The following RNF139 variants were observed in gnomAD, a reference collection of about 807,000 sequenced individuals.
RNF139 encodes the protein E3 ubiquitin-protein ligase RNF139.
In RNF139, 15 loss-of-function variants were observed where a neutral mutation model predicts 49.5. The ratio of observed to expected loss-of-function variants is 0.30; its 90% CI spans 0.20 to 0.47. RNF139 has a LOEUF of 0.47. Ranked by LOEUF, RNF139 falls within the 20% of genes least tolerant of loss-of-function variation. The pLI is 1.00. For missense variants in RNF139, 619 were observed against 806.3 expected (o/e 0.77, Z 2.81); for synonymous variants, 325 against 300.9 (o/e 1.08, Z -0.83).
chr8:124,476,009 C>T (rs1013813898), intron 1 of RNF139, among the ~76,000 whole-genome samples: 6 of 152,198 alleles, frequency 3.9e-5, no homozygotes, highest in Admixed American at 1.3e-4. Flanking sequence ...TTCATTTCTT[C>T]CTTTCCATCT....
intron 1 of RNF139, among the ~76,000 whole-genome samples, chr8:124,478,175 A>G (rs187001361): frequency 6.6e-6 from 1 of 151,772 alleles, no homozygotes; most frequent in Non-Finnish European, 1.5e-5. Flanking sequence ...GAAAAAACTT[A>G]TACTCCCTTA....
chr8:124,479,150 G>A (rs1186791964), intron 1 of RNF139, among the ~76,000 whole-genome samples: 3 of 151,932 alleles, frequency 2.0e-5, no homozygotes, highest in Admixed American at 2.0e-4. Context: ...GAGTGCAGTG[G>A]CGTGATCTCA....
chr8:124,476,905 A>T (rs2131296753), intron 1 of RNF139, among the ~76,000 whole-genome samples: 1 of 152,364 alleles, frequency 6.6e-6, no homozygotes, highest in South Asian at 2.1e-4. Flanking sequence ...TGAACAAAGC[A>T]ATCTGATATT....
At chr8:124,479,004 C>T (rs1816360186) in intron 1 of RNF139, among the ~76,000 whole-genome samples, 1 of 152,120 alleles carries the variant, frequency 6.6e-6, no homozygotes, top group South Asian at 2.1e-4. Flanking sequence ...GGATTACAGG[C>T]GTGAGCCACC....
chr8:124,475,198 G>T lies in RNF139; in HGVS notation c.89G>T (p.Cys30Phe). ...CTCGAAGTGGCGCTCCGGGTGCCCT[G>T]CCTTTACATCATCGACGCCATCTTC... ...AALEVALRVP[C>F]LYIIDAIFNS... The change falls in exon 1 of 2, where the codon TGC becomes TTC. Residue 30 changes from cysteine (C) to phenylalanine (F), a missense_variant. This residue lies in a region of RNF139 where 89 missense variants were observed against 77.5 expected (regional missense o/e 1.15). Coordinates refer to ENST00000303545, the MANE Select transcript of RNF139 (RefSeq NM_007218.4). 1 of 1,614,054 alleles carries T rather than the reference G, an allele frequency of 6.2e-7. No individual in the cohort carries two copies. The highest frequency in any genetic ancestry group is 8.5e-7 in the Non-Finnish European group (1 of 1,179,998).
At chr8:124,480,230 A>G (rs1216797723) in intron 1 of RNF139, among the ~76,000 whole-genome samples, 1 of 152,052 alleles carries the variant, frequency 6.6e-6, no homozygotes, top group Non-Finnish European at 1.5e-5. Flanking sequence ...AGAAAAAAAT[A>G]TGGAATATTT....
intron 1 of RNF139, among the ~76,000 whole-genome samples, chr8:124,478,863 C>T (rs1563629752): frequency 1.4e-5 from 2 of 146,966 alleles, no homozygotes. Flanking sequence ...AGGATGATTA[C>T]AGGCAAGCGC....
chr8:124,479,869 A>G (rs1816377501), intron 1 of RNF139, among the ~76,000 whole-genome samples: 1 of 152,114 alleles, frequency 6.6e-6, no homozygotes, highest in African/African-American at 2.4e-5. Context: ...ATTTTGTTAC[A>G]CCTTTGGAAA....
At position 124,486,908 on chromosome 8, in the gene RNF139, T is replaced by G; in HGVS notation, c.1259T>G (p.Leu420Trp). 2 of 1,614,104 alleles carry G rather than the reference T, an allele frequency of 1.2e-6. No homozygotes were observed. The highest frequency in any genetic ancestry group is 1.3e-5 in the African/African-American group (1 of 75,052). Residue 420 changes from leucine (L) to tryptophan (W), a missense_variant, in exon 2 of 2, where the codon TTG (leucine) becomes TGG (tryptophan). Leu to Trp is a moderately conservative substitution (Grantham distance 61). This residue lies in a region of RNF139 where 530 missense variants were observed against 728.9 expected (regional missense o/e 0.73). Transcript: ENST00000303545. ...CATCACTATGCACTAAATACATGGT[T>G]GTTTGCAGTTACAGCATTTTGTGTG... ...LWHHYALNTW[L>W]FAVTAFCVEL...
Position 124,475,051 on chromosome 8 carries a change from C to T in RNF139, c.-59C>T. The T allele has an allele frequency of 8.1e-7, 1 of 1,233,256 alleles. No individual in the cohort carries two copies. Among genetic ancestry groups the T allele is most frequent in the Non-Finnish European group, 1.0e-6 (1 of 980,812 alleles). 76.4% of individuals were successfully genotyped at this position (1,233,256 alleles called of 1,614,324 possible). A position where few individuals can be genotyped will look rare whatever the true frequency, so the allele number is the denominator to read the frequency against. ...TTAGCCCCCGCCCCCGGCCGCGGCC[C>T]CGGGCCCTGCCCCGCGCGGCCCTGC... On this transcript the variant is annotated 5_prime_UTR_variant, in exon 1 of 2. Coordinates refer to ENST00000303545, the MANE Select transcript of RNF139 (RefSeq NM_007218.4).
chr8:124,487,942 G>A lies in RNF139; in HGVS notation c.*298G>A. ...TTTTTAATAGATGTAATGATCATATGGTGCGTCACCTGTGCCAAATATTCT... is the reference window on the plus strand; with the variant it reads ...TTTTTAATAGATGTAATGATCATATAGTGCGTCACCTGTGCCAAATATTCT... On this transcript the variant is annotated 3_prime_UTR_variant, in exon 2 of 2. Transcript: ENST00000303545. The A allele has an allele frequency of 3.8e-6, 1 of 262,784 alleles. No homozygotes were observed. The highest frequency in any genetic ancestry group is 7.2e-6 in the Non-Finnish European group (1 of 138,938). The allele number at this position is 262,784 out of a possible 1,614,324, so 16.3% of individuals were successfully genotyped here.
At chr8:124,475,340 C>A in intron 1 of RNF139, 50 bp downstream of exon 1, 2 of 1,564,230 alleles carry the variant, frequency 1.3e-6, no homozygotes, top group Non-Finnish European at 1.7e-6. Context: ...CGGGCCGAGA[C>A]GTTCCCCGGG....
chr8:124,475,345 C>T, intron 1 of RNF139, 55 bp downstream of exon 1: 1 of 1,558,378 alleles, frequency 6.4e-7, no homozygotes, highest in Non-Finnish European at 8.7e-7. Flanking sequence ...CGAGACGTTC[C>T]CCGGGGAGCG....
At chr8:124,478,562 C>G (rs543715050) in intron 1 of RNF139, among the ~76,000 whole-genome samples, 1 of 149,252 alleles carries the variant, frequency 6.7e-6, no homozygotes, top group African/African-American at 2.5e-5. Flanking sequence ...GAGCCAAGAT[C>G]GCGCCACTGC....
intron 1 of RNF139, 131 bp from the exon 2 acceptor site, chr8:124,485,700 T>G (rs1044335379): frequency 2.6e-6 from 2 of 763,204 alleles, no homozygotes; most frequent in Admixed American, 3.1e-5. Flanking sequence ...AAGCCTTAGT[T>G]GTCTTGAGGC....
At chr8:124,485,032 AAACTTG>A (rs1311281306) in intron 1 of RNF139, among the ~76,000 whole-genome samples, 2 of 152,180 alleles carry the variant, frequency 1.3e-5, no homozygotes. Context: ...TGGAAGTATA[AAACTTG>A]AACTTGATTT....
Position 124,487,325 on chromosome 8 carries a change from G to A in RNF139, c.1676G>A (p.Arg559His), listed in dbSNP as rs775467776. 12 of 1,613,858 alleles carry A rather than the reference G, an allele frequency of 7.4e-6. No homozygotes were observed. Among genetic ancestry groups the A allele is most frequent in the East Asian group, 2.2e-5 (1 of 44,884 alleles). The change falls in exon 2 of 2, where the codon CGT becomes CAT. Residue 559 changes from arginine (R) to histidine (H), a missense_variant. Arg to His is a conservative substitution (Grantham distance 29). Coordinates refer to ENST00000303545, the MANE Select transcript of RNF139 (RefSeq NM_007218.4). ...TATCATGAGTTTACAACATCTGCTCGTATTACACCGTGTAATCATTATTTC... is the reference window on the plus strand; with the variant it reads ...TATCATGAGTTTACAACATCTGCTCATATTACACCGTGTAATCATTATTTC... ...ICYHEFTTSA[R>H]ITPCNHYFHA... is the part of the protein sequence containing the mutation.
intron 1 of RNF139, among the ~76,000 whole-genome samples, chr8:124,477,849 G>A (rs1475564210): frequency 2.0e-5 from 3 of 152,094 alleles, no homozygotes; most frequent in Admixed American, 6.5e-5. Context: ...AATTCATTGA[G>A]GTGGGAAAAG....
Position 124,486,596 on chromosome 8 carries a change from C to G in RNF139, c.947C>G (p.Thr316Ser). ...GGAATATTGGCCTTTATTGGATCAA[C>G]TGAGGAAGATGACAGGCGTCTTGGC... ...GLGILAFIGS[T>S]EEDDRRLGFV... is the part of the protein sequence containing the mutation. Residue 316 changes from threonine to serine, a missense_variant, in exon 2 of 2, where the codon ACT (threonine) becomes AGT (serine). Thr to Ser is a moderately conservative substitution (Grantham distance 58). Coordinates refer to ENST00000303545, the MANE Select transcript of RNF139 (RefSeq NM_007218.4). 6.2e-7 allele frequency: 1 copy of G among 1,614,142 alleles called. No individual in the cohort carries two copies. The highest frequency in any genetic ancestry group is 8.5e-7 in the Non-Finnish European group (1 of 1,180,026).
Sources: gnomAD v4.1 joint callset for allele counts (sites outside exome capture counted in the v4.1 genomes callset) on GRCh38, gnomAD v4.1.1 for gene constraint, gnomAD v4.1.1 regional missense constraint, MANE v1.5 for transcripts, NCBI Gene and HGNC (gene_info 2026-07-23, HGNC 2026-07-21) for gene names.